REV3L: variants seen among roughly 807,000 people sequenced by gnomAD.
REV3L encodes the protein REV3 like, DNA directed polymerase zeta catalytic subunit, also known as DNA polymerase zeta catalytic subunit.
A neutral mutation model predicts 299.4 loss-of-function variants in REV3L; 69 were observed. The observed-to-expected ratio is 0.23, with a 90% confidence interval of 0.19 to 0.28. The LOEUF is 0.28. Ranked by LOEUF, REV3L falls within the 10% of genes least tolerant of loss-of-function variation. The probability of loss-of-function intolerance (pLI) is 1.00; values close to 1 mark genes in which losing one functional copy is unlikely to be tolerated. For missense variants in REV3L, 3,128 were observed against 3,693.8 expected (o/e 0.85, Z 3.97); for synonymous variants, 1,238 against 1,271.4 (o/e 0.97, Z 0.56).
chr6:111,422,672 ATATATACG>A (rs1231185456), intron 1 of REV3L, among the ~76,000 whole-genome samples: 1,981 of 48,716 alleles, frequency 0.041, 453 homozygotes, highest in Non-Finnish European at 0.077. Flanking sequence ...ACATATATAT[ATATATACG>A]TATATATATA....
At chr6:111,359,372 A>G (rs913823138) in intron 16 of REV3L, among the ~76,000 whole-genome samples, 2 of 152,172 alleles carry the variant, frequency 1.3e-5, no homozygotes, top group Admixed American at 6.5e-5. Context: ...GTAGTTAGCT[A>G]AACTATATAG....
At chr6:111,387,690 CTCAA>C in intron 9 of REV3L, 71 bp downstream of exon 9, 1 of 1,405,290 alleles carries the variant, frequency 7.1e-7, no homozygotes, top group Non-Finnish European at 9.8e-7. Context: ...CCCTAGCAAA[CTCAA>C]TCAAATATTA....
At chr6:111,458,744 AC>A (rs1790431685) in intron 1 of REV3L, among the ~76,000 whole-genome samples, 1 of 152,130 alleles carries the variant, frequency 6.6e-6, no homozygotes, top group Non-Finnish European at 1.5e-5. Context: ...AAAGATCTCT[AC>A]AAGGAGAACT....
At chr6:111,363,999 A>C in intron 15 of REV3L, 21 bp from the exon 16 acceptor site, 1 of 1,590,462 alleles carries the variant, frequency 6.3e-7, no homozygotes, top group South Asian at 1.2e-5. Context: ...AAACACACAC[A>C]CACACAGCCA....
intron 1 of REV3L, 93 bp downstream of exon 1, chr6:111,482,657 G>C: frequency 1.3e-6 from 1 of 776,386 alleles, no homozygotes; most frequent in South Asian, 6.1e-5. Context: ...GAGACGGCCG[G>C]CGCCGGTGGC....
chr6:111,331,237 A>C (rs1222095931), intron 24 of REV3L, among the ~76,000 whole-genome samples: 1 of 152,228 alleles, frequency 6.6e-6, no homozygotes, highest in Non-Finnish European at 1.5e-5. Context: ...AAATATAAAC[A>C]ATAAGCCTAT....
At chr6:111,386,128 C>T (rs1367770026) in intron 9 of REV3L, among the ~76,000 whole-genome samples, 1 of 152,006 alleles carries the variant, frequency 6.6e-6, no homozygotes, top group African/African-American at 2.4e-5. Context: ...ATGCATACAC[C>T]CTAACATTCA....
At chr6:111,425,627 A>T (rs960440370) in intron 1 of REV3L, among the ~76,000 whole-genome samples, 1 of 152,146 alleles carries the variant, frequency 6.6e-6, no homozygotes, top group Non-Finnish European at 1.5e-5. Flanking sequence ...ATTATAAAAC[A>T]CACAAACAGG....
At chr6:111,468,133 A>C (rs762845008) in intron 1 of REV3L, among the ~76,000 whole-genome samples, 13 of 152,204 alleles carry the variant, frequency 8.5e-5, no homozygotes, top group Non-Finnish European at 1.8e-4. Flanking sequence ...AATCAAAGAC[A>C]GGATCCTTTT....
chr6:111,331,975 A>C (rs565317445), intron 23 of REV3L, among the ~76,000 whole-genome samples, 191 bp from the exon 24 acceptor site: 1 of 152,332 alleles, frequency 6.6e-6, no homozygotes, highest in South Asian at 2.1e-4. Flanking sequence ...AATTTATTAC[A>C]AGAAACATTT....
At chr6:111,366,505 G>A (rs910085916) in intron 14 of REV3L, among the ~76,000 whole-genome samples, 1 of 152,102 alleles carries the variant, frequency 6.6e-6, no homozygotes. Context: ...CAGAGAAGTA[G>A]GAGGAAAGCC....
In REV3L at chr6:111,375,159, T is replaced by C; in HGVS notation, c.3196A>G (p.Asn1066Asp). 1.9e-6 allele frequency: 3 copies of C among 1,606,072 alleles called. No individual in the cohort carries two copies. Among genetic ancestry groups the C allele is most frequent in the African/African-American group, 2.7e-5 (2 of 74,420 alleles). Residue 1066 changes from asparagine (N) to aspartate (D), a missense_variant, in exon 13 of 32, where the codon AAT becomes GAT. Around this residue, in one of 9 missense-constraint regions of REV3L, gnomAD observed 2,409 missense variants for 2,611.8 expected, o/e 0.92. Transcript: ENST00000368802. Reference sequence around the variant, plus strand: ...AAAGTTCTTTTAATATTTTCATTATTTGTCCTTTGTTGTTTACCAGTTTTT... The same window carrying C: ...AAAGTTCTTTTAATATTTTCATTATCTGTCCTTTGTTGTTTACCAGTTTTT... ...KKKTGKQQRT[N>D]NENIKRTLSF...
chr6:111,434,881 T>C (rs1787368435), intron 1 of REV3L, among the ~76,000 whole-genome samples: 1 of 152,146 alleles, frequency 6.6e-6, no homozygotes. Flanking sequence ...AGATACTCCA[T>C]GCTCATGGAT....
At chr6:111,383,429 T>C (rs193287020) in intron 9 of REV3L, among the ~76,000 whole-genome samples, 1 of 152,186 alleles carries the variant, frequency 6.6e-6, no homozygotes, top group African/African-American at 2.4e-5. Flanking sequence ...GGATACAAAA[T>C]CAACATATGA....
intron 9 of REV3L, among the ~76,000 whole-genome samples, chr6:111,386,069 T>C (rs1781314911): frequency 6.6e-6 from 1 of 152,236 alleles, no homozygotes; most frequent in South Asian, 2.1e-4. Context: ...TATAAGCTAA[T>C]TGCATTATAG....
At chr6:111,356,882 A>T in intron 18 of REV3L, 132 bp downstream of exon 18, 1 of 417,834 alleles carries the variant, frequency 2.4e-6, no homozygotes, top group South Asian at 5.9e-5. Flanking sequence ...TCCCAAGAGT[A>T]ACTCTGCTTT....
At chr6:111,466,967 TG>T (rs1791587836) in intron 1 of REV3L, among the ~76,000 whole-genome samples, 1 of 152,226 alleles carries the variant, frequency 6.6e-6, no homozygotes, top group South Asian at 2.1e-4. Context: ...CAGTGAAACA[TG>T]TATAAAGATG....
intron 26 of REV3L, among the ~76,000 whole-genome samples, chr6:111,322,366 T>C (rs17540111): frequency 5.6e-4 from 86 of 152,294 alleles, no homozygotes; most frequent in African/African-American, 2.0e-3. Context: ...TATCTTCAGT[T>C]TGTGGCTCAG....
chr6:111,475,641 AT>A lies in REV3L; in HGVS notation c.139+7108del, dbSNP rs561577109. On this transcript the variant is annotated intron_variant, in intron 1 of 31. Coordinates refer to ENST00000368802, the MANE Select transcript of REV3L (RefSeq NM_001372078.1). ...TTTTTCATATGAATTCTCTTTGCTA[AT>A]TTTTCTACTGGATTATTTTCTAGTT... 1.4e-3 allele frequency among the ~76,000 whole-genome samples: 211 copies of A among 152,166 alleles called. 3 individuals carry two copies. The highest frequency in any genetic ancestry group is 2.4e-3 in the Admixed American group (37 of 15,286).
Sources: allele counts gnomAD v4.1 joint callset (sites outside exome capture counted in the v4.1 genomes callset), GRCh38; gene constraint gnomAD v4.1.1; regional missense constraint gnomAD v4.1.1; transcripts MANE v1.5; gene names NCBI Gene and HGNC (gene_info 2026-07-23, HGNC 2026-07-21).